GOLGA6L9: variants seen among roughly 807,000 people sequenced by gnomAD.
GOLGA6L9 encodes golgin subfamily A member 6-like protein 9.
A neutral mutation model predicts 51.3 loss-of-function variants in GOLGA6L9; 19 were observed. The observed-to-expected ratio is 0.37, with a 90% CI of 0.26 to 0.54. The LOEUF (loss-of-function observed/expected upper bound fraction) is 0.54, where lower values mean the gene tolerates loss of function less well. GOLGA6L9 is among the 20% of genes least tolerant of loss of function. GOLGA6L9 has a pLI of 0.83. For missense variants in GOLGA6L9, 247 were observed against 464.1 expected, an observed-to-expected ratio of 0.53 and a Z score of 4.30; for synonymous variants, 97 against 184.2, an observed-to-expected ratio of 0.53 and a Z score of 3.83.
At chr15:82,427,485 C>T (rs1372215086), upstream of GOLGA6L9, among the ~76,000 whole-genome samples, 1 of 151,712 alleles carries the variant, frequency 6.6e-6, no homozygotes, top group Non-Finnish European at 1.5e-5. Flanking sequence ...TTTATCCTGC[C>T]AAATTTGAAA....
Position 82,429,898 on chromosome 15 carries a change from C to A in GOLGA6L9, c.-182C>A. ...GATGCTACAGGTCCCTCTGGACATG[C>A]TGCGCCTGGCCACGCCTCCTTTCCC... On this transcript the variant is annotated 5_prime_UTR_variant, in exon 1 of 9. The change creates a new upstream start codon in the 5' untranslated region. Coordinates refer to ENST00000618348, the MANE Select transcript of GOLGA6L9 (RefSeq NM_198181.4). 1 of 789,626 alleles carries A rather than the reference C, an allele frequency of 1.3e-6. No individual in the cohort carries two copies. The highest frequency in any genetic ancestry group is 2.2e-6 in the Non-Finnish European group (1 of 447,556). 48.9% of individuals were successfully genotyped at this position (789,626 alleles called of 1,614,324 possible). A position where few individuals can be genotyped will look rare whatever the true frequency, so the allele number is the denominator to read the frequency against.
intron 4 of GOLGA6L9, 151 bp downstream of exon 4, chr15:82,433,048 C>T (rs2031479802): frequency 4.5e-6 from 1 of 222,814 alleles, no homozygotes; most frequent in Non-Finnish European, 7.5e-6. Context: ...GACCCCAGAG[C>T]ACAGAACATG....
At chr15:82,420,872 GT>G in the GOLGA6L9 span, among the ~76,000 whole-genome samples, 1 of 149,196 alleles carries the variant, frequency 6.7e-6, no homozygotes, top group African/African-American at 2.5e-5. Flanking sequence ...CAAAAATTTG[GT>G]TTTGTTTAAA....
At chr15:82,433,308 C>T (rs1478529810) in intron 4 of GOLGA6L9, among the ~76,000 whole-genome samples, 3 of 151,948 alleles carry the variant, frequency 2.0e-5, no homozygotes, top group Non-Finnish European at 4.4e-5. Context: ...TCGGTTAGCT[C>T]TGAAAGTCAG....
chr15:82,438,467 C>A lies in GOLGA6L9; in HGVS notation c.*2056C>A, dbSNP rs2031797608. ...ACAATAACTATGACAAGTCTTTCTT[C>A]AAAGTGCATGCAGTCTTTTGCAGTA... On this transcript the variant is annotated 3_prime_UTR_variant, in exon 9 of 9. Coordinates refer to ENST00000618348, the MANE Select transcript of GOLGA6L9 (RefSeq NM_198181.4). The A allele has an allele frequency of 6.6e-6, 1 of 151,520 alleles. No homozygotes were observed. The highest frequency in any genetic ancestry group is 2.1e-4 in the South Asian group (1 of 4,828). 9.4% of individuals were successfully genotyped at this position (151,520 alleles called of 1,614,324 possible).
At chr15:82,416,750 T>G in the GOLGA6L9 span, among the ~76,000 whole-genome samples, 18 of 152,234 alleles carry the variant, frequency 1.2e-4, no homozygotes, top group African/African-American at 4.1e-4. Context: ...CTAGATAGAT[T>G]ACTGAGGAGT....
Position 82,436,652 on chromosome 15 carries a change from A to G in GOLGA6L9, c.*241A>G, listed in dbSNP as rs1393637588. ...TTTTTGTTTCTAATTTATAATTTAA[A>G]TTTATTTGTAAAAAGTTAAATGAGA... On this transcript the variant is annotated 3_prime_UTR_variant, in exon 9 of 9. Coordinates refer to ENST00000618348, the MANE Select transcript of GOLGA6L9 (RefSeq NM_198181.4). The G allele has an allele frequency of 3.0e-6, 1 of 335,516 alleles. No homozygotes were observed. The allele number at this position is 335,516 out of a possible 1,614,324, so 20.8% of individuals were successfully genotyped here. A position where few individuals can be genotyped will look rare whatever the true frequency, so the allele number is the denominator to read the frequency against.
chr15:82,433,342 A>G (rs1428957260), intron 4 of GOLGA6L9, among the ~76,000 whole-genome samples: 2 of 151,900 alleles, frequency 1.3e-5, no homozygotes, highest in African/African-American at 4.9e-5. Flanking sequence ...CCTAGAATGG[A>G]AAGCTCAGGG....
At chr15:82,427,317 T>G (rs1218480618), upstream of GOLGA6L9, among the ~76,000 whole-genome samples, 5 of 148,090 alleles carry the variant, frequency 3.4e-5, no homozygotes, top group Admixed American at 1.3e-4. Context: ...CTCTCTTTCT[T>G]TCCTCTTTCT....
upstream of GOLGA6L9, among the ~76,000 whole-genome samples, chr15:82,429,036 G>C (rs1165977832): frequency 2.6e-5 from 4 of 152,142 alleles, no homozygotes; most frequent in Admixed American, 6.5e-5. Flanking sequence ...TTATTAAATT[G>C]TAAGTTTTGT....
rs1239456813 is a variant in GOLGA6L9, at chr15:82,436,549, T to C, written c.*138T>C. Reference sequence around the variant, plus strand: ...TATAGTTTAAATTTATTTGTGTTTCTAATTTATAGTTTAAATTTATTTGTT... The same window carrying C: ...TATAGTTTAAATTTATTTGTGTTTCCAATTTATAGTTTAAATTTATTTGTT... On this transcript the variant is annotated 3_prime_UTR_variant, in exon 9 of 9. Transcript: ENST00000618348. The C allele has an allele frequency of 9.2e-7, 1 of 1,092,532 alleles. No homozygotes were observed. Among genetic ancestry groups the C allele is most frequent in the African/African-American group, 1.6e-5 (1 of 62,994 alleles). 67.7% of individuals were successfully genotyped at this position (1,092,532 alleles called of 1,614,324 possible).
In GOLGA6L9 at chr15:82,434,535, T is replaced by C. The variant is rs1204218006; in HGVS notation, c.935T>C (p.Met312Thr). Residue 312 changes from methionine to threonine, a missense_variant, in exon 6 of 9, where the codon ATG becomes ACG. Coordinates refer to ENST00000618348, the MANE Select transcript of GOLGA6L9 (RefSeq NM_198181.4). ...GAGAGGCTGCGGGAGCTGGAGAGGA[T>C]GCTGGAGCTGGGGTGGGAAGCCCTG... is the stretch of plus-strand genomic sequence containing the variant. ...ELERLRELER[M>T]LELGWEALYE... The C allele has an allele frequency of 4.5e-6, 7 of 1,565,652 alleles. No individual in the cohort carries two copies. In the African/African-American group the frequency reaches 8.3e-5, roughly 19 times the overall value.
the GOLGA6L9 span, among the ~76,000 whole-genome samples, chr15:82,424,237 AT>A: frequency 6.0e-5 from 9 of 151,094 alleles, no homozygotes; most frequent in Non-Finnish European, 1.0e-4. Context: ...ACACCCAGCT[AT>A]TTTTTGTATT....
chr15:82,429,259 G>C (rs2031310881), upstream of GOLGA6L9, among the ~76,000 whole-genome samples: 1 of 151,986 alleles, frequency 6.6e-6, no homozygotes, highest in Non-Finnish European at 1.5e-5. Flanking sequence ...ATTTTTAGTA[G>C]AGACAGGGTT....
At chr15:82,424,243 T>C in the GOLGA6L9 span, among the ~76,000 whole-genome samples, 1 of 151,540 alleles carries the variant, frequency 6.6e-6, no homozygotes, top group Admixed American at 6.6e-5. Flanking sequence ...AGCTATTTTT[T>C]GTATTTTTAG....
chr15:82,436,614 T>G lies in GOLGA6L9; in HGVS notation c.*203T>G. ...TAAATTTATTTGTGTTTCTAATTTA[T>G]AGTTTAAATTTATTTTTGTTTCTAA... On this transcript the variant is annotated 3_prime_UTR_variant, in exon 9 of 9. Coordinates refer to ENST00000618348, the MANE Select transcript of GOLGA6L9 (RefSeq NM_198181.4). 1.9e-6 allele frequency: 1 copy of G among 520,838 alleles called. No individual in the cohort carries two copies. The allele number at this position is 520,838 out of a possible 1,614,324, so 32.3% of individuals were successfully genotyped here. A position where few individuals can be genotyped will look rare whatever the true frequency, so the allele number is the denominator to read the frequency against.
chr15:82,427,934 T>C (rs2031248205), upstream of GOLGA6L9, among the ~76,000 whole-genome samples: 1 of 96,284 alleles, frequency 1.0e-5, no homozygotes, highest in Admixed American at 1.2e-4. Flanking sequence ...TACAGGACTT[T>C]TGGTTTAATA....
chr15:82,429,670 A>G (rs1351995657), upstream of GOLGA6L9, among the ~76,000 whole-genome samples: 40 of 152,206 alleles, frequency 2.6e-4, 1 homozygote, highest in Admixed American at 1.8e-3. Context: ...GAAGCTGCAT[A>G]ATGAAGACAG....
At chr15:82,429,206 C>G (rs2031307908), upstream of GOLGA6L9, among the ~76,000 whole-genome samples, 1 of 151,636 alleles carries the variant, frequency 6.6e-6, no homozygotes, top group Non-Finnish European at 1.5e-5. Flanking sequence ...TCCCAAATAG[C>G]TGGGATTACA....
Sources: gnomAD v4.1 joint callset for allele counts (sites outside exome capture counted in the v4.1 genomes callset) on GRCh38, gnomAD v4.1.1 for gene constraint, MANE v1.5 for transcripts, NCBI Gene and HGNC (gene_info 2026-07-23, HGNC 2026-07-21) for gene names.